HDAC4: variants seen among roughly 807,000 people sequenced by gnomAD.
The protein encoded by HDAC4 is histone deacetylase A.
A neutral mutation model predicts 135.1 loss-of-function variants in HDAC4; 16 were observed. The ratio of observed to expected loss-of-function variants is 0.12; its 90% CI spans 0.08 to 0.18. HDAC4 has a LOEUF of 0.18. HDAC4 is among the 10% of genes least tolerant of loss of function. The probability of loss-of-function intolerance (pLI) is 1.00; values close to 1 mark genes in which losing one functional copy is unlikely to be tolerated. For missense variants in HDAC4, 1,143 were observed against 1,511.8 expected, an observed-to-expected ratio of 0.76 and a Z score of 4.05; for synonymous variants, 685 against 653.4, an observed-to-expected ratio of 1.05 and a Z score of -0.74.
rs1487737611 is a variant in HDAC4 at position 239,307,903 on chromosome 2, T to C, written c.22+44775A>G. The stretch of plus-strand genomic sequence containing the variant: ...CGAGCCACATCACGTTTTGCCACTA[T>C]CTCAGAATTCCTGATCTCCACCTGA... On this transcript the variant is annotated intron_variant, in intron 2 of 26. Transcript: ENST00000543185. This position sits in a 1 kb window ranked among gnomAD's most constrained non-coding sequence, Gnocchi z 4.8. Among the ~76,000 whole-genome samples the C allele has an allele frequency of 1.3e-5, 2 of 152,060 alleles. No homozygotes were observed. Among genetic ancestry groups the C allele is most frequent in the African/African-American group, 2.4e-5 (1 of 41,406 alleles).
chr2:239,318,978 A>T (rs1418971882), intron 2 of HDAC4, among the ~76,000 whole-genome samples: 1 of 152,170 alleles, frequency 6.6e-6, no homozygotes, highest in African/African-American at 2.4e-5. Flanking sequence ...AGTGGAACTG[A>T]GTGAACCAAT....
At position 239,352,657 on chromosome 2, in the gene HDAC4, G is replaced by A. The variant is rs1264394358; in HGVS notation, c.22+21C>T. On this transcript the variant is annotated intron_variant, in intron 2 of 26. Transcript: ENST00000543185. The surrounding 1 kb of genome is among the most constrained non-coding windows in gnomAD (Gnocchi z 4.4). ...AAGAAAGCCCCGCTGTGTGCCCAGA[G>A]AAGAAATGACCCGGCCTTACCTGGA... 1.3e-6 allele frequency: 2 copies of A among 1,553,446 alleles called. No individual in the cohort carries two copies. The highest frequency in any genetic ancestry group is 1.7e-6 in the Non-Finnish European group (2 of 1,147,416).
In HDAC4 at chr2:239,049,502, T is replaced by C. The variant is rs943826955; in HGVS notation, c.*3595A>G. Reference sequence around the variant, plus strand: ...ATCTATATATTTATATATGTATCAATGCCCATAAAACACGTGGGCCCAAAG... The same window carrying C: ...ATCTATATATTTATATATGTATCAACGCCCATAAAACACGTGGGCCCAAAG... On this transcript the variant is annotated 3_prime_UTR_variant, in exon 27 of 27. Coordinates refer to ENST00000543185, the MANE Select transcript of HDAC4 (RefSeq NM_001378414.1). 6.6e-6 allele frequency: 1 copy of C among 152,024 alleles called. No individual in the cohort carries two copies. The highest frequency in any genetic ancestry group is 2.4e-5 in the African/African-American group (1 of 41,390). 9.4% of individuals were successfully genotyped at this position (152,024 alleles called of 1,614,324 possible).
rs1046837664 is a variant in HDAC4, at chr2:239,136,624, T to C, written c.979-1981A>G. 5.3e-5 allele frequency among the ~76,000 whole-genome samples: 8 copies of C among 152,244 alleles called. No homozygotes were observed. In the East Asian group the frequency reaches 1.2e-3, roughly 22 times the overall value. ...AGACGACCTGTGGGAAGGGGAAACA[T>C]GTGCAAGCCATTCATCCGACAAGGG... is the stretch of plus-strand genomic sequence containing the variant. On this transcript the variant is annotated intron_variant, in intron 9 of 26. Coordinates refer to ENST00000543185, the MANE Select transcript of HDAC4 (RefSeq NM_001378414.1).
Position 239,163,803 on chromosome 2 carries a change from C to G in HDAC4, c.611G>C (p.Gly204Ala). Residue 204 changes from glycine to alanine, a missense_variant and splice_region_variant, in exon 6 of 27, where the codon GGG (glycine) becomes GCG (alanine). Transcript: ENST00000543185. ...GGGTGCTCCCCACACCCACACTTACCCGTACCAGTAGCGAGGGTCGCTGGA... is the reference window on the plus strand; with the variant it reads ...GGGTGCTCCCCACACCCACACTTACGCGTACCAGTAGCGAGGGTCGCTGGA... ...CISSDPRYWY[G>A]KTQHSSLDQS... is the part of the protein sequence containing the mutation. 6.2e-7 allele frequency: 1 copy of G among 1,614,120 alleles called. No individual in the cohort carries two copies. The highest frequency in any genetic ancestry group is 8.5e-7 in the Non-Finnish European group (1 of 1,180,026).
chr2:239,263,077 C>A (rs2125117890), intron 2 of HDAC4, among the ~76,000 whole-genome samples: 1 of 152,340 alleles, frequency 6.6e-6, no homozygotes, highest in African/African-American at 2.4e-5. Flanking sequence ...GATCCCAGAA[C>A]CTGCTGCGGC....
rs1696834942 is a variant in HDAC4 at position 239,400,006 on chromosome 2, A to C, written c.-220+972T>G. ...GTTCCACCCCCGGCCTTTCCAACTGATACGCACGGTCTCCTCCTATAACAG... is the reference window on the plus strand; with the variant it reads ...GTTCCACCCCCGGCCTTTCCAACTGCTACGCACGGTCTCCTCCTATAACAG... On this transcript the variant is annotated intron_variant, in intron 1 of 26. Transcript: ENST00000543185. The surrounding 1 kb of genome is among the most constrained non-coding windows in gnomAD (Gnocchi z 4.7). Among the ~76,000 whole-genome samples, 1 of 152,128 alleles carries C rather than the reference A, an allele frequency of 6.6e-6. No individual in the cohort carries two copies. Among genetic ancestry groups the C allele is most frequent in the Admixed American group, 6.5e-5 (1 of 15,278 alleles).
At chr2:239,147,543 G>A (rs545856756) in intron 7 of HDAC4, among the ~76,000 whole-genome samples, 3 of 152,264 alleles carry the variant, frequency 2.0e-5, no homozygotes, top group African/African-American at 7.2e-5. Context: ...CACCGCCCTC[G>A]CGGGCCTTCC....
intron 11 of HDAC4, among the ~76,000 whole-genome samples, chr2:239,126,982 C>G (rs918832284): frequency 6.6e-6 from 1 of 152,170 alleles, no homozygotes; most frequent in African/African-American, 2.4e-5. Context: ...TTTCAAAGAG[C>G]AAGCCCTTCC....
chr2:239,067,152 G>GC (rs2033611723), intron 23 of HDAC4, among the ~76,000 whole-genome samples: 1 of 152,216 alleles, frequency 6.6e-6, no homozygotes, highest in Non-Finnish European at 1.5e-5. Context: ...CTGCCCTTCG[G>GC]CCCCCGCAGA....
At chr2:239,199,392 C>T (rs1401876574) in intron 3 of HDAC4, among the ~76,000 whole-genome samples, 1 of 152,168 alleles carries the variant, frequency 6.6e-6, no homozygotes, top group Non-Finnish European at 1.5e-5. Flanking sequence ...CCCATCAGCC[C>T]CTCTCCATGT....
At chr2:239,274,323 T>A (rs1477835729) in intron 2 of HDAC4, among the ~76,000 whole-genome samples, 1 of 152,166 alleles carries the variant, frequency 6.6e-6, no homozygotes, top group Non-Finnish European at 1.5e-5. Flanking sequence ...TCATGGCCAC[T>A]AAGTTTCCAC....
intron 2 of HDAC4, among the ~76,000 whole-genome samples, chr2:239,328,852 G>A (rs1430602592): frequency 2.0e-5 from 3 of 152,354 alleles, no homozygotes; most frequent in African/African-American, 7.2e-5. Context: ...GCTGGGCTTG[G>A]TGTTTATGTC....
At chr2:239,143,374 A>G (rs573788529) in intron 8 of HDAC4, among the ~76,000 whole-genome samples, 2 of 152,318 alleles carry the variant, frequency 1.3e-5, no homozygotes, top group East Asian at 3.9e-4. Context: ...TTTAACTCAC[A>G]TGATTCCTCG....
chr2:239,154,277 T>C (rs999616051), intron 7 of HDAC4, among the ~76,000 whole-genome samples: 1 of 152,060 alleles, frequency 6.6e-6, no homozygotes, highest in African/African-American at 2.4e-5. Context: ...CCTGGGTCCA[T>C]GGCTCTGGAG....
At chr2:239,138,737 G>A (rs1396577246) in intron 9 of HDAC4, among the ~76,000 whole-genome samples, 1 of 152,220 alleles carries the variant, frequency 6.6e-6, no homozygotes, top group East Asian at 1.9e-4. Context: ...GGGGCATTGT[G>A]TGGAGTGTGG....
chr2:239,092,789 G>A (rs1342247474), intron 17 of HDAC4, among the ~76,000 whole-genome samples: 1 of 152,212 alleles, frequency 6.6e-6, no homozygotes, highest in Non-Finnish European at 1.5e-5. Context: ...CCTGGCTCAG[G>A]GCAGGCGGCC....
At chr2:239,368,091 G>A (rs936038315) in intron 1 of HDAC4, among the ~76,000 whole-genome samples, 2 of 152,196 alleles carry the variant, frequency 1.3e-5, no homozygotes, top group Non-Finnish European at 2.9e-5. Context: ...CTGAGAGCCT[G>A]AACACTTCTG....
chr2:239,298,226 C>G (rs1191893146), intron 2 of HDAC4: 3 of 1,289,412 alleles, frequency 2.3e-6, no homozygotes, highest in Non-Finnish European at 3.0e-6. Flanking sequence ...ATTCCGGAAG[C>G]AGCCAGACCT....
Sources: allele counts gnomAD v4.1 joint callset (sites outside exome capture counted in the v4.1 genomes callset), GRCh38; gene constraint gnomAD v4.1.1; non-coding constraint Gnocchi (gnomAD v3.1); transcripts MANE v1.5; gene names NCBI Gene and HGNC (gene_info 2026-07-23, HGNC 2026-07-21).